The following LPP variants were observed in gnomAD, a reference collection of about 807,000 sequenced individuals.
The protein encoded by LPP is lipoma-preferred partner.
Under a neutral mutation model 60.4 loss-of-function variants are expected in LPP, and 38 were observed. The observed-to-expected ratio is 0.63, with a 90% CI of 0.49 to 0.83. The LOEUF (loss-of-function observed/expected upper bound fraction) is 0.83, where lower values mean the gene tolerates loss of function less well. Ranked by LOEUF, LPP falls within the 40% of genes least tolerant of loss-of-function variation. LPP has a pLI of 0.00. For synonymous variants in LPP, 328 were observed against 290.8 expected (o/e 1.13, Z -1.30); for missense variants, 902 against 783.6 (o/e 1.15, Z -1.80).
chr3:188,335,362 C>T (rs146847232), intron 2 of LPP, among the ~76,000 whole-genome samples: 54 of 152,220 alleles, frequency 3.5e-4, no homozygotes, highest in African/African-American at 1.3e-3. Context: ...TTAAACTATC[C>T]TTGTATCCCT....
chr3:188,871,810 G>A (rs1043619654), intron 10 of LPP, among the ~76,000 whole-genome samples: 3 of 151,642 alleles, frequency 2.0e-5, no homozygotes, highest in Non-Finnish European at 2.9e-5. Flanking sequence ...ACCTGTCATA[G>A]AAAAAAAATT....
chr3:188,595,330 A>G (rs1839781434), intron 6 of LPP, among the ~76,000 whole-genome samples: 1 of 152,170 alleles, frequency 6.6e-6, no homozygotes, highest in African/African-American at 2.4e-5. Context: ...AGAATAATAA[A>G]CTAATTCCTC....
At chr3:188,869,653 C>A (rs1767570349) in intron 10 of LPP, among the ~76,000 whole-genome samples, 1 of 152,200 alleles carries the variant, frequency 6.6e-6, no homozygotes, top group Non-Finnish European at 1.5e-5. Context: ...ACAGAGGGAT[C>A]TTGTTAAACT....
intron 7 of LPP, among the ~76,000 whole-genome samples, chr3:188,664,974 A>G (rs1308817365): frequency 6.6e-6 from 1 of 152,108 alleles, no homozygotes; most frequent in East Asian, 1.9e-4. Flanking sequence ...CTTTGGTAGC[A>G]TCTTCCCCAC....
intron 2 of LPP, among the ~76,000 whole-genome samples, chr3:188,264,835 A>G (rs774261848): frequency 1.3e-5 from 2 of 150,586 alleles, no homozygotes; most frequent in Admixed American, 6.6e-5. Flanking sequence ...TTTTCTTTTT[A>G]TAACATATGA....
At chr3:188,381,586 T>C (rs921911668) in intron 3 of LPP, among the ~76,000 whole-genome samples, 4 of 152,202 alleles carry the variant, frequency 2.6e-5, no homozygotes, top group Non-Finnish European at 5.9e-5. Flanking sequence ...CAGGAGTAGG[T>C]ACCCACTTTC....
chr3:188,593,898 T>C (rs1006125518), intron 6 of LPP, among the ~76,000 whole-genome samples: 1 of 152,238 alleles, frequency 6.6e-6, no homozygotes, highest in African/African-American at 2.4e-5. Context: ...TGTGCTGCTA[T>C]AAACACACGT....
chr3:188,615,525 A>G (rs556634374), intron 7 of LPP, among the ~76,000 whole-genome samples: 49 of 152,324 alleles, frequency 3.2e-4, no homozygotes, highest in African/African-American at 1.1e-3. Flanking sequence ...AGAATATCCT[A>G]TGTTTCTAGA....
intron 6 of LPP, among the ~76,000 whole-genome samples, chr3:188,546,076 A>G (rs1826578907): frequency 6.6e-6 from 1 of 152,158 alleles, no homozygotes; most frequent in African/African-American, 2.4e-5. Context: ...TATATTCTGT[A>G]TTAAAGTTGA....
At chr3:188,368,079 T>C (rs1771743495) in intron 3 of LPP, among the ~76,000 whole-genome samples, 1 of 152,208 alleles carries the variant, frequency 6.6e-6, no homozygotes, top group Non-Finnish European at 1.5e-5. Context: ...AGTTTTGAAA[T>C]GAAATGTTGT....
At chr3:188,436,266 T>G (rs1324100834) in intron 4 of LPP, among the ~76,000 whole-genome samples, 1 of 152,138 alleles carries the variant, frequency 6.6e-6, no homozygotes, top group Non-Finnish European at 1.5e-5. Flanking sequence ...GGAGATAAGG[T>G]GGATCATCTT....
At chr3:188,767,525 C>G (rs1376103304) in intron 9 of LPP, among the ~76,000 whole-genome samples, 1 of 152,066 alleles carries the variant, frequency 6.6e-6, no homozygotes, top group Non-Finnish European at 1.5e-5. Flanking sequence ...TTAATTTAAT[C>G]CACATACACT....
rs60989319 is a variant in LPP, at chr3:188,804,243, TTATATATATATATATATATATATATATA to T, written c.1410+43974_1410+44001del. On this transcript the variant is annotated intron_variant, in intron 9 of 11. Transcript: ENST00000617246. ...ATTATGTTTTCAATGTAGTGCATCTTTATATATATATATATATATATATATATATATATATATATAAAATGGAATACAA... is the reference window on the plus strand; with the variant it reads ...ATTATGTTTTCAATGTAGTGCATCTTTATATATATATAAAATGGAATACAA... Among the ~76,000 whole-genome samples, 6 of 37,696 alleles carry T rather than the reference TTATATATATATATATATATATATATATA, an allele frequency of 1.6e-4. 1 individual carries two copies. Among genetic ancestry groups the T allele is most frequent in the East Asian group, 2.0e-3 (1 of 496 alleles). The allele number at this position is 37,696 out of a possible 152,430, so 24.7% of individuals were successfully genotyped here.
At chr3:188,606,972 T>C (rs1321230166) in intron 6 of LPP, among the ~76,000 whole-genome samples, 3 of 152,136 alleles carry the variant, frequency 2.0e-5, no homozygotes, top group African/African-American at 7.2e-5. Flanking sequence ...AGCTGTAAAG[T>C]CTGCCCCAAG....
intron 1 of LPP, among the ~76,000 whole-genome samples, chr3:188,174,369 T>C (rs1458428883): frequency 6.6e-6 from 1 of 152,224 alleles, no homozygotes; most frequent in Admixed American, 6.5e-5. Flanking sequence ...TCGTGGGCAG[T>C]ATGTGTTTTA....
At chr3:188,245,773 G>C (rs977017287) in intron 2 of LPP, among the ~76,000 whole-genome samples, 2 of 151,620 alleles carry the variant, frequency 1.3e-5, no homozygotes, top group Non-Finnish European at 2.9e-5. Context: ...CAACTACTGA[G>C]CTCGGTGATC....
At chr3:188,709,005 TA>T (rs1201895686) in intron 8 of LPP, 3 of 152,212 alleles carry the variant, frequency 2.0e-5, no homozygotes, top group African/African-American at 7.2e-5. Flanking sequence ...AAGATTCAAG[TA>T]AAAAATGTGG....
intron 2 of LPP, among the ~76,000 whole-genome samples, chr3:188,293,684 G>A (rs911850108): frequency 6.6e-6 from 1 of 152,082 alleles, no homozygotes; most frequent in Non-Finnish European, 1.5e-5. Context: ...AAATAAAATG[G>A]GATATTGTTC....
chr3:188,272,368 C>A (rs1262210304), intron 2 of LPP, among the ~76,000 whole-genome samples: 2 of 152,186 alleles, frequency 1.3e-5, no homozygotes, highest in African/African-American at 4.8e-5. Context: ...TCTTTAACGG[C>A]AAACAGAACA....
Sources: allele counts gnomAD v4.1 joint callset (sites outside exome capture counted in the v4.1 genomes callset), GRCh38; gene constraint gnomAD v4.1.1; transcripts MANE v1.5; gene names NCBI Gene and HGNC (gene_info 2026-07-23, HGNC 2026-07-21).